PDE4D: variants seen among roughly 807,000 people sequenced by gnomAD.
PDE4D encodes phosphodiesterase 4D, also known as 3',5'-cyclic-AMP phosphodiesterase 4D.
A neutral mutation model predicts 87.4 loss-of-function variants in PDE4D; 24 were observed. That is an observed-to-expected ratio of 0.27 (90% confidence interval 0.20 to 0.39). PDE4D has a LOEUF of 0.39. PDE4D is among the 10% of genes least tolerant of loss of function. PDE4D has a pLI of 1.00. For missense variants in PDE4D, 714 were observed against 1,041.0 expected (o/e 0.69, Z 4.32); for synonymous variants, 384 against 383.2 (o/e 1.00, Z -0.02).
chr5:59,176,189 C>T (rs1783858039), intron 5 of PDE4D, among the ~76,000 whole-genome samples: 1 of 152,100 alleles, frequency 6.6e-6, no homozygotes, highest in Non-Finnish European at 1.5e-5. Context: ...TGTTTACCTA[C>T]TATATATTGA....
intron 1 of PDE4D, among the ~76,000 whole-genome samples, chr5:59,695,605 T>G (rs1296055867): frequency 6.6e-6 from 1 of 152,032 alleles, no homozygotes; most frequent in Non-Finnish European, 1.5e-5. Flanking sequence ...TTTGATTTTA[T>G]TCTATTTTTT....
At chr5:59,315,248 A>G (rs1023388686) in intron 1 of PDE4D, among the ~76,000 whole-genome samples, 2 of 152,166 alleles carry the variant, frequency 1.3e-5, no homozygotes, top group African/African-American at 4.8e-5. Flanking sequence ...CAATACAGGA[A>G]TATCTACCTC....
intron 6 of PDE4D, among the ~76,000 whole-genome samples, chr5:58,997,251 A>G (rs563439238): frequency 6.6e-4 from 100 of 152,308 alleles, no homozygotes; most frequent in African/African-American, 1.8e-3. Flanking sequence ...AAAAATTACC[A>G]TAAGTGCTTT....
intron 1 of PDE4D, among the ~76,000 whole-genome samples, chr5:59,305,755 T>C (rs1771197107): frequency 6.6e-6 from 1 of 152,204 alleles, no homozygotes; most frequent in South Asian, 2.1e-4. Flanking sequence ...TCCACTGTGG[T>C]CTGACAGAGT....
intron 2 of PDE4D, among the ~76,000 whole-genome samples, chr5:60,072,288 T>G (rs1044005429): frequency 6.6e-6 from 1 of 152,158 alleles, no homozygotes; most frequent in African/African-American, 2.4e-5. Flanking sequence ...GTTTTTTTCA[T>G]ATGCTTGTTA....
In PDE4D at chr5:59,947,228, C is replaced by T. The variant is rs548895974; in HGVS notation, c.272+41260G>A. 3.9e-5 allele frequency among the ~76,000 whole-genome samples: 6 copies of T among 152,332 alleles called. No homozygotes were observed. The South Asian group carries it at 1.2e-3, about 32-fold the overall frequency. On this transcript the variant is annotated intron_variant, in intron 3 of 16. Transcript: ENST00000502484. ...TCCTAAAGGGAATATAACTGCAGTT[C>T]TTCCAGCACTTTTGTGTAGAGAGCA...
intron 1 of PDE4D, among the ~76,000 whole-genome samples, chr5:60,193,397 G>A (rs548648559): frequency 2.0e-5 from 3 of 152,216 alleles, no homozygotes; most frequent in South Asian, 2.1e-4. Context: ...CAGGCCGGGC[G>A]CAGTGGCTCA....
At chr5:59,024,264 G>A (rs1193039603) in intron 6 of PDE4D, among the ~76,000 whole-genome samples, 8 of 118,862 alleles carry the variant, frequency 6.7e-5, no homozygotes, top group African/African-American at 2.6e-4. Flanking sequence ...GCAGTGGCAC[G>A]ATCTTGGCTC....
intron 2 of PDE4D, among the ~76,000 whole-genome samples, chr5:60,181,498 C>T (rs1784372381): frequency 6.6e-6 from 1 of 152,116 alleles, no homozygotes; most frequent in Non-Finnish European, 1.5e-5. Context: ...TTTGAATGAA[C>T]ACTGAACAAC....
intron 2 of PDE4D, among the ~76,000 whole-genome samples, chr5:60,011,784 C>A (rs993674926): frequency 1.3e-5 from 2 of 152,024 alleles, no homozygotes; most frequent in Non-Finnish European, 2.9e-5. Flanking sequence ...AATATGGAGA[C>A]CCTGTTTCCT....
At chr5:59,774,764 T>C (rs1763917430) in intron 1 of PDE4D, among the ~76,000 whole-genome samples, 1 of 150,930 alleles carries the variant, frequency 6.6e-6, no homozygotes. Flanking sequence ...CTCAGCTCAC[T>C]GCAACCTCCA....
intron 1 of PDE4D, among the ~76,000 whole-genome samples, chr5:59,852,996 C>T (rs1002532577): frequency 1.3e-5 from 2 of 152,078 alleles, no homozygotes; most frequent in African/African-American, 2.4e-5. Context: ...ATTAAGAGTT[C>T]TCTCTCTGGG....
chr5:59,366,421 G>GT (rs1407305446), intron 1 of PDE4D, among the ~76,000 whole-genome samples: 4 of 152,100 alleles, frequency 2.6e-5, no homozygotes, highest in Admixed American at 6.5e-5. Context: ...AAGATTATGA[G>GT]TTATCCAAAT....
chr5:60,277,932 T>C (rs529756689), intron 1 of PDE4D, among the ~76,000 whole-genome samples: 23 of 152,272 alleles, frequency 1.5e-4, no homozygotes, highest in African/African-American at 5.3e-4. Flanking sequence ...CCAGAAAATG[T>C]TATAATTTTT....
rs75208064 is a variant in PDE4D at position 60,296,437 on chromosome 5, C to CAA, written c.-89-110752_-89-110751dup. Among the ~76,000 whole-genome samples the CAA allele has an allele frequency of 9.3e-5, 14 of 150,222 alleles. No homozygotes were observed. In the South Asian group the frequency reaches 1.9e-3, roughly 20 times the overall value. ...TCTTACCTCCAATGCAGCTATTATT[C>CAA]AAAAAAAAATGACTGGGTAAGCCTC... On this transcript the variant is annotated intron_variant, in intron 1 of 16. Transcript: ENST00000502484.
chr5:59,655,008 C>T (rs1257829495), intron 1 of PDE4D, among the ~76,000 whole-genome samples: 3 of 151,926 alleles, frequency 2.0e-5, no homozygotes, highest in South Asian at 4.2e-4. Flanking sequence ...AATAATGTTG[C>T]TGTGAACATT....
Position 59,227,778 on chromosome 5 carries a change from C to T in PDE4D, c.456-11810G>A, listed in dbSNP as rs190448907. ...TGGCAAGGTTGCAGAGAAAAGGAAACGCTTATATACTACTGGTTAGAATGT... is the reference window on the plus strand; with the variant it reads ...TGGCAAGGTTGCAGAGAAAAGGAAATGCTTATATACTACTGGTTAGAATGT... On this transcript the variant is annotated intron_variant, in intron 1 of 14. Transcript: ENST00000340635. 3.1e-4 allele frequency among the ~76,000 whole-genome samples: 47 copies of T among 152,188 alleles called. No individual in the cohort carries two copies. In the Middle Eastern group the frequency reaches 0.017, roughly 55 times the overall value.
chr5:59,505,465 C>T (rs4551023), intron 1 of PDE4D, among the ~76,000 whole-genome samples: 32,590 of 152,104 alleles, frequency 0.21, 3,744 homozygotes, highest in Non-Finnish European at 0.26. Flanking sequence ...GAAATTCACA[C>T]GGACAGGGGA....
chr5:59,312,669 ATTAGGAAAATTTACAAAAG>A (rs1435134922), intron 1 of PDE4D, among the ~76,000 whole-genome samples: 1 of 152,212 alleles, frequency 6.6e-6, no homozygotes, highest in East Asian at 1.9e-4. Flanking sequence ...TGCTCCAGAC[ATTAGGAAAATTTACAAAAG>A]TCAGCCTTAG....
Sources: allele counts gnomAD v4.1 joint callset (sites outside exome capture counted in the v4.1 genomes callset), GRCh38; gene constraint gnomAD v4.1.1; transcripts MANE v1.5; gene names NCBI Gene and HGNC (gene_info 2026-07-23, HGNC 2026-07-21).